Variants in PTPRD observed in about 807,000 individuals in gnomAD.
PTPRD encodes receptor-type tyrosine-protein phosphatase delta.
PTPRD carries 34 observed loss-of-function variants against 214.5 expected under a neutral mutation model. That is an observed-to-expected ratio of 0.16 (90% confidence interval 0.12 to 0.21). The LOEUF (loss-of-function observed/expected upper bound fraction) is 0.21. Among genes scored for constraint, PTPRD ranks in the 10% least tolerant of loss-of-function variants. PTPRD has a pLI of 1.00. For missense variants in PTPRD, 2,545 were observed against 2,398.7 expected (o/e 1.06, Z -1.27); for synonymous variants, 1,128 against 845.7 (o/e 1.33, Z -5.79).
At chr9:9,543,967 C>G (rs576035151) in intron 8 of PTPRD, among the ~76,000 whole-genome samples, 1 of 151,670 alleles carries the variant, frequency 6.6e-6, no homozygotes, top group African/African-American at 2.4e-5. Context: ...AGGTAACTGT[C>G]AGATTAGAAT....
intron 11 of PTPRD, among the ~76,000 whole-genome samples, chr9:8,748,567 G>A (rs377094014): frequency 1.4e-4 from 15 of 111,086 alleles, no homozygotes; most frequent in South Asian, 7.1e-4. Flanking sequence ...AAGAAAATGC[G>A]CTTACTTCTT....
intron 11 of PTPRD, among the ~76,000 whole-genome samples, chr9:8,970,546 G>C (rs912625977): frequency 2.0e-5 from 3 of 151,632 alleles, no homozygotes; most frequent in Non-Finnish European, 2.9e-5. Flanking sequence ...TGAATTCTAT[G>C]AGACAGCAAA....
chr9:10,139,703 T>A (rs112916191), intron 3 of PTPRD, among the ~76,000 whole-genome samples: 3 of 151,918 alleles, frequency 2.0e-5, no homozygotes, highest in Non-Finnish European at 4.4e-5. Flanking sequence ...CACTGGCCAG[T>A]GGAACAGAAT....
At chr9:10,013,908 A>T (rs1475355449) in intron 4 of PTPRD, among the ~76,000 whole-genome samples, 3 of 151,944 alleles carry the variant, frequency 2.0e-5, no homozygotes, top group African/African-American at 7.2e-5. Flanking sequence ...ATAGCTCTCA[A>T]AATTTAGGTT....
intron 12 of PTPRD, among the ~76,000 whole-genome samples, chr9:8,694,568 C>G (rs1282093894): frequency 6.6e-6 from 1 of 151,974 alleles, no homozygotes; most frequent in East Asian, 1.9e-4. Context: ...ATAAAAATGA[C>G]AAACAACAAT....
At chr9:10,520,179 A>G (rs2051680934) in intron 2 of PTPRD, among the ~76,000 whole-genome samples, 1 of 152,158 alleles carries the variant, frequency 6.6e-6, no homozygotes, top group Non-Finnish European at 1.5e-5. Context: ...TTGCAAATGC[A>G]AAGGAAGAGT....
chr9:9,214,316 A>G (rs776624873), intron 9 of PTPRD, among the ~76,000 whole-genome samples: 12 of 152,206 alleles, frequency 7.9e-5, no homozygotes, highest in Non-Finnish European at 1.8e-4. Flanking sequence ...CTTGGCTTCT[A>G]ATAGCAAATG....
At position 10,423,161 on chromosome 9, in the gene PTPRD, T is replaced by C. The variant is rs1466590102; in HGVS notation, c.-599-82144A>G. ...TGAATTCATGTCCTTTGTAGGGACA[T>C]GGATGAAGCTGGAAACCATCATTCT... On this transcript the variant is annotated intron_variant, in intron 2 of 45. Coordinates refer to ENST00000381196, the MANE Select transcript of PTPRD (RefSeq NM_002839.4). Among the ~76,000 whole-genome samples, 3 of 152,102 alleles carry C rather than the reference T, an allele frequency of 2.0e-5. No individual in the cohort carries two copies. In the East Asian group the frequency reaches 5.8e-4, roughly 30 times the overall value.
intron 9 of PTPRD, among the ~76,000 whole-genome samples, chr9:9,199,910 T>C (rs1406093625): frequency 6.6e-6 from 1 of 152,212 alleles, no homozygotes; most frequent in East Asian, 1.9e-4. Flanking sequence ...CTAGCTCTCC[T>C]ACTTCCTAGC....
At chr9:10,096,569 C>T (rs894534753) in intron 3 of PTPRD, among the ~76,000 whole-genome samples, 1 of 151,894 alleles carries the variant, frequency 6.6e-6, no homozygotes, top group South Asian at 2.1e-4. Context: ...GTCCAATGCC[C>T]ACTTTTTGAT....
intron 3 of PTPRD, among the ~76,000 whole-genome samples, chr9:10,212,559 T>A (rs867084602): frequency 5.3e-5 from 8 of 152,244 alleles, no homozygotes; most frequent in African/African-American, 1.9e-4. Flanking sequence ...ATCCTATAGT[T>A]TAAAAGCTCC....
chr9:8,324,878 T>C (rs1832068367), intron 44 of PTPRD, among the ~76,000 whole-genome samples: 1 of 152,236 alleles, frequency 6.6e-6, no homozygotes. Context: ...TTCATATGTT[T>C]GTCTGCCGCA....
chr9:10,583,734 T>C (rs1402473407), intron 2 of PTPRD, among the ~76,000 whole-genome samples: 1 of 152,156 alleles, frequency 6.6e-6, no homozygotes, highest in Non-Finnish European at 1.5e-5. Flanking sequence ...TGCCTCGGCC[T>C]CCCAAAGTGC....
chr9:8,513,003 T>C (rs1213207770), intron 21 of PTPRD, among the ~76,000 whole-genome samples: 1 of 152,054 alleles, frequency 6.6e-6, no homozygotes, highest in Non-Finnish European at 1.5e-5. Flanking sequence ...CCTTCCTGAA[T>C]GTGTTTTCTA....
At chr9:8,619,777 A>C (rs928235930) in intron 14 of PTPRD, among the ~76,000 whole-genome samples, 6 of 151,782 alleles carry the variant, frequency 4.0e-5, no homozygotes, top group African/African-American at 1.2e-4. Context: ...ACACATCTTC[A>C]TCCTTTTCCT....
At chr9:9,392,969 C>A (rs1034916757) in intron 9 of PTPRD, among the ~76,000 whole-genome samples, 6 of 152,056 alleles carry the variant, frequency 3.9e-5, no homozygotes, top group Admixed American at 3.9e-4. Flanking sequence ...CATGGAAATT[C>A]CTGTCATTTG....
intron 5 of PTPRD, among the ~76,000 whole-genome samples, chr9:9,892,813 T>C (rs2073822010): frequency 1.3e-5 from 2 of 151,844 alleles, no homozygotes; most frequent in Admixed American, 1.3e-4. Flanking sequence ...AATATTTGAA[T>C]ACAAGTTTAA....
chr9:10,177,153 G>T (rs1452832412), intron 3 of PTPRD, among the ~76,000 whole-genome samples: 1 of 151,916 alleles, frequency 6.6e-6, no homozygotes, highest in Non-Finnish European at 1.5e-5. Context: ...TTCTAGAGGG[G>T]TAGTATACTT....
intron 10 of PTPRD, among the ~76,000 whole-genome samples, chr9:9,034,346 C>G (rs1288684374): frequency 6.6e-6 from 1 of 152,112 alleles, no homozygotes; most frequent in African/African-American, 2.4e-5. Flanking sequence ...AGTCCCAGCT[C>G]TTCCACTCAC....
Sources: allele counts gnomAD v4.1 joint callset (sites outside exome capture counted in the v4.1 genomes callset), GRCh38; gene constraint gnomAD v4.1.1; transcripts MANE v1.5; gene names NCBI Gene and HGNC (gene_info 2026-07-23, HGNC 2026-07-21).